CPHXL2: variants seen among roughly 807,000 people sequenced by gnomAD.
CPHXL2 encodes the protein cytoplasmic polyadenylated homeobox like 2, also known as cytoplasmic polyadenylated homeobox-like protein 2.
the CPHXL2 span, among the ~76,000 whole-genome samples, chr16:75,661,925 T>C: frequency 6.6e-6 from 1 of 152,208 alleles, no homozygotes; most frequent in Non-Finnish European, 1.5e-5. Context: ...CAATCAGTTC[T>C]GCAGTGCACA....
the CPHXL2 span, among the ~76,000 whole-genome samples, chr16:75,665,725 T>C: frequency 6.6e-6 from 1 of 152,062 alleles, no homozygotes; most frequent in Admixed American, 6.6e-5. Flanking sequence ...TATCTGGACA[T>C]GGTGGCAGGC....
chr16:75,672,061 C>G, the CPHXL2 span, among the ~76,000 whole-genome samples: 1 of 149,822 alleles, frequency 6.7e-6, no homozygotes, highest in East Asian at 2.0e-4. Context: ...GACTTGAGGT[C>G]AAGAGTTCGA....
the CPHXL2 span, among the ~76,000 whole-genome samples, chr16:75,667,509 C>T: frequency 6.6e-6 from 1 of 152,110 alleles, no homozygotes; most frequent in Non-Finnish European, 1.5e-5. Context: ...TTGCCATTCT[C>T]TTATAAAATA....
chr16:75,674,364 C>A, the CPHXL2 span, among the ~76,000 whole-genome samples: 2 of 110,874 alleles, frequency 1.8e-5, no homozygotes, highest in African/African-American at 7.7e-5. Context: ...CAGAGCGAGA[C>A]TCCGTCTCAA....
At chr16:75,672,351 C>T in the CPHXL2 span, among the ~76,000 whole-genome samples, 1 of 151,766 alleles carries the variant, frequency 6.6e-6, no homozygotes, top group African/African-American at 2.4e-5. Flanking sequence ...TATTGTAGGA[C>T]AGAGCAAGTG....
At chr16:75,673,819 A>C in the CPHXL2 span, among the ~76,000 whole-genome samples, 1 of 151,680 alleles carries the variant, frequency 6.6e-6, no homozygotes, top group South Asian at 2.1e-4. Context: ...TCTCTACCAA[A>C]AATACAAAAA....
chr16:75,665,887 T>C, the CPHXL2 span, among the ~76,000 whole-genome samples: 1,917 of 152,144 alleles, frequency 0.013, 50 homozygotes, highest in African/African-American at 0.043. Flanking sequence ...AACCAAGGTA[T>C]ACAGGCAACA....
chr16:75,665,774 A>C, the CPHXL2 span, among the ~76,000 whole-genome samples: 4 of 152,160 alleles, frequency 2.6e-5, no homozygotes, highest in Non-Finnish European at 5.9e-5. Flanking sequence ...GAGACAGGAG[A>C]TAATCACTGG....
At chr16:75,670,551 G>A in the CPHXL2 span, among the ~76,000 whole-genome samples, 2 of 152,074 alleles carry the variant, frequency 1.3e-5, no homozygotes. Flanking sequence ...CACTGTCGCC[G>A]AGGCTGGAGA....
At chr16:75,666,822 TG>T in the CPHXL2 span, among the ~76,000 whole-genome samples, 1 of 152,080 alleles carries the variant, frequency 6.6e-6, no homozygotes, top group Non-Finnish European at 1.5e-5. Flanking sequence ...ATAGACCATA[TG>T]ATAGGTCACA....
At chr16:75,661,062 C>A in the CPHXL2 span, 4 of 400,720 alleles carry the variant, frequency 1.0e-5, no homozygotes, top group Middle Eastern at 3.1e-4. Flanking sequence ...GCAACCAGGT[C>A]TTCTCATCAG....
chr16:75,674,826 C>G, the CPHXL2 span, among the ~76,000 whole-genome samples: 1 of 151,558 alleles, frequency 6.6e-6, no homozygotes, highest in Non-Finnish European at 1.5e-5. Flanking sequence ...TCTCCTGCCT[C>G]AGATTCCTGA....
chr16:75,673,997 TAAAAAA>T, the CPHXL2 span, among the ~76,000 whole-genome samples: 4 of 106,548 alleles, frequency 3.8e-5, no homozygotes, highest in African/African-American at 1.0e-4. Context: ...AAAAAAAAGA[TAAAAAA>T]AAAAGATAAA....
the CPHXL2 span, among the ~76,000 whole-genome samples, chr16:75,676,013 A>T: frequency 6.6e-6 from 1 of 151,978 alleles, no homozygotes; most frequent in Non-Finnish European, 1.5e-5. Flanking sequence ...TGGGAGATGG[A>T]GGTTGCAGTG....
At chr16:75,676,155 A>G in the CPHXL2 span, among the ~76,000 whole-genome samples, 1 of 152,190 alleles carries the variant, frequency 6.6e-6, no homozygotes, top group Non-Finnish European at 1.5e-5. Context: ...TCCAGGGGTC[A>G]TCAATAACAA....
At chr16:75,671,014 A>C in the CPHXL2 span, among the ~76,000 whole-genome samples, 1 of 151,226 alleles carries the variant, frequency 6.6e-6, no homozygotes, top group East Asian at 1.9e-4. Flanking sequence ...CCCTTGATTC[A>C]CTCCCTCACC....
the CPHXL2 span, among the ~76,000 whole-genome samples, chr16:75,664,641 AAGAAAG>A: frequency 6.8e-6 from 1 of 146,954 alleles, no homozygotes; most frequent in African/African-American, 2.6e-5. Context: ...AAAAAAAAAA[AAGAAAG>A]AAAGAAAAAC....
At chr16:75,666,608 CAA>C in the CPHXL2 span, among the ~76,000 whole-genome samples, 10,063 of 64,468 alleles carry the variant, frequency 0.16, 261 homozygotes, top group African/African-American at 0.24. Flanking sequence ...AACTCTATCT[CAA>C]AAAAAAAAAA....
chr16:75,672,632 C>G, the CPHXL2 span, among the ~76,000 whole-genome samples: 1 of 152,250 alleles, frequency 6.6e-6, no homozygotes, highest in Non-Finnish European at 1.5e-5. Context: ...GGACTACAGG[C>G]TTGCAATACG....
Sources: gnomAD v4.1 joint callset for allele counts (sites outside exome capture counted in the v4.1 genomes callset) on GRCh38, gnomAD v4.1.1 for gene constraint, MANE v1.5 for transcripts, NCBI Gene and HGNC (gene_info 2026-07-23, HGNC 2026-07-21) for gene names.